The following CAST variants were observed in gnomAD, a reference collection of about 807,000 sequenced individuals.
The protein encoded by CAST is MIR583 host.
In CAST, 76 loss-of-function variants were observed where a neutral mutation model predicts 119.6. The ratio of observed to expected loss-of-function variants is 0.64; its 90% CI spans 0.53 to 0.77. The LOEUF is 0.77. Ranked by LOEUF, CAST falls within the 30% of genes least tolerant of loss-of-function variation. CAST has a pLI of 0.00. For synonymous variants in CAST, 319 were observed against 331.6 expected, an observed-to-expected ratio of 0.96 and a Z score of 0.41; for missense variants, 953 against 946.5, an observed-to-expected ratio of 1.01 and a Z score of -0.09.
the CAST span, among the ~76,000 whole-genome samples, chr5:96,172,942 G>A: frequency 6.6e-6 from 1 of 152,292 alleles, no homozygotes; most frequent in South Asian, 2.1e-4. Context: ...TACCATGGCT[G>A]CCCCCAAATT....
At chr5:96,508,624 C>T in the CAST span, among the ~76,000 whole-genome samples, 5 of 152,084 alleles carry the variant, frequency 3.3e-5, no homozygotes, top group East Asian at 7.7e-4. Flanking sequence ...CTTAAAGGCC[C>T]ATAGACAGTC....
At chr5:96,609,890 A>G (rs2150195940) in intron 1 of CAST, among the ~76,000 whole-genome samples, 1 of 152,130 alleles carries the variant, frequency 6.6e-6, no homozygotes. Context: ...ATGAGCTAAG[A>G]CTTTGGGGGA....
At chr5:95,983,649 CAT>C in the CAST span, among the ~76,000 whole-genome samples, 568 of 152,258 alleles carry the variant, frequency 3.7e-3, 3 homozygotes, top group Admixed American at 7.6e-3. Context: ...TTCATAATCA[CAT>C]GTTACTTTAA....
the CAST span, among the ~76,000 whole-genome samples, chr5:96,224,786 G>C: frequency 3.1e-4 from 47 of 152,318 alleles, no homozygotes; most frequent in Non-Finnish European, 6.0e-4. Context: ...GATGATGCAT[G>C]ATGGCCAGAT....
At chr5:96,053,872 A>G in the CAST span, among the ~76,000 whole-genome samples, 2 of 152,322 alleles carry the variant, frequency 1.3e-5, no homozygotes, top group Middle Eastern at 3.4e-3. Context: ...GTTGGTAAAA[A>G]TATTTCTCCC....
upstream of CAST, among the ~76,000 whole-genome samples, chr5:96,521,985 G>T (rs148958943): frequency 6.6e-6 from 1 of 152,042 alleles, no homozygotes; most frequent in African/African-American, 2.4e-5. Context: ...GCGTGGTGGC[G>T]GGCACCTGTA....
the CAST span, chr5:95,970,198 T>A: frequency 6.6e-6 from 1 of 152,346 alleles, no homozygotes; most frequent in Admixed American, 6.5e-5. Context: ...TGCACACCCA[T>A]CGTGATGTGT....
the CAST span, among the ~76,000 whole-genome samples, chr5:96,348,791 A>G: frequency 6.6e-6 from 1 of 152,144 alleles, no homozygotes; most frequent in Non-Finnish European, 1.5e-5. Flanking sequence ...CAGAGGCTGG[A>G]AAAATATTTG....
chr5:96,130,540 A>G, the CAST span, among the ~76,000 whole-genome samples: 1 of 152,044 alleles, frequency 6.6e-6, no homozygotes, highest in Non-Finnish European at 1.5e-5. Flanking sequence ...TGTGACAAGT[A>G]TACCATATTA....
At chr5:96,502,981 G>A in the CAST span, among the ~76,000 whole-genome samples, 2 of 152,100 alleles carry the variant, frequency 1.3e-5, no homozygotes, top group Non-Finnish European at 2.9e-5. Flanking sequence ...ATTGCAAAGA[G>A]GAGGACTTGG....
the CAST span, among the ~76,000 whole-genome samples, chr5:96,345,963 G>T: frequency 6.6e-6 from 1 of 152,180 alleles, no homozygotes; most frequent in African/African-American, 2.4e-5. Context: ...GGAAGCAAAA[G>T]TAGGGAGGAT....
intron 1 of CAST, among the ~76,000 whole-genome samples, chr5:96,552,202 A>C (rs1466544143): frequency 6.6e-6 from 1 of 152,210 alleles, no homozygotes; most frequent in Admixed American, 6.5e-5. Flanking sequence ...AAAGAACAGA[A>C]ATCACAACAA....
At chr5:95,994,448 T>C in the CAST span, among the ~76,000 whole-genome samples, 3 of 152,100 alleles carry the variant, frequency 2.0e-5, no homozygotes, top group Non-Finnish European at 4.4e-5. Flanking sequence ...GGTAAAACTA[T>C]AGGCTGAGGC....
intron 1 of CAST, among the ~76,000 whole-genome samples, chr5:96,666,005 C>T (rs1433179196): frequency 6.6e-6 from 1 of 152,112 alleles, no homozygotes; most frequent in Admixed American, 6.5e-5. Context: ...ACAGACATCT[C>T]AGAATACTTC....
intron 6 of CAST, 54 bp downstream of exon 6, chr5:96,727,584 A>T (rs1311627044): frequency 8.7e-7 from 1 of 1,151,680 alleles, no homozygotes; most frequent in Non-Finnish European, 1.3e-6. Context: ...AATAATAATG[A>T]ATAATCAACT....
chr5:96,191,173 G>A, the CAST span, among the ~76,000 whole-genome samples: 2 of 152,110 alleles, frequency 1.3e-5, no homozygotes, highest in African/African-American at 4.8e-5. Context: ...GAGTATTTTA[G>A]CATGTGCTAA....
the CAST span, chr5:96,308,835 T>A: frequency 6.5e-6 from 1 of 152,766 alleles, no homozygotes; most frequent in South Asian, 2.1e-4. Context: ...GGAAGCTTTG[T>A]CCCAGAGGGG....
chr5:96,340,309 AAGAACTTGATGCTGAAAGC>A, the CAST span, among the ~76,000 whole-genome samples: 1 of 152,258 alleles, frequency 6.6e-6, no homozygotes, highest in South Asian at 2.1e-4. Flanking sequence ...CTTTTGTAGA[AAGAACTTGATGCTGAAAGC>A]AGCTCGCCCC....
At chr5:96,522,638 T>G (rs1745536790), upstream of CAST, among the ~76,000 whole-genome samples, 1 of 152,212 alleles carries the variant, frequency 6.6e-6, no homozygotes. Context: ...CTTTCTCTAG[T>G]GCTGACCCCC....
Sources: allele counts gnomAD v4.1 joint callset (sites outside exome capture counted in the v4.1 genomes callset), GRCh38; gene constraint gnomAD v4.1.1; transcripts MANE v1.5; gene names NCBI Gene and HGNC (gene_info 2026-07-23, HGNC 2026-07-21).